Variants in ELAC2 observed in about 807,000 individuals in gnomAD.
ELAC2 encodes zinc phosphodiesterase ELAC protein 2.
ELAC2 carries 92 observed loss-of-function variants against 105.2 expected under a neutral mutation model. The ratio of observed to expected loss-of-function variants is 0.87; its 90% confidence interval spans 0.74 to 1.04. ELAC2 has a LOEUF of 1.04. ELAC2 is among the 50% of genes least tolerant of loss of function. ELAC2 has a pLI of 0.00. For missense variants in ELAC2, 1,099 were observed against 1,071.7 expected, an observed-to-expected ratio of 1.03 and a Z score of -0.36; for synonymous variants, 468 against 409.1, an observed-to-expected ratio of 1.14 and a Z score of -1.74.
At chr17:13,001,159 T>TGTGGAGTGGG (rs1446945530) in intron 14 of ELAC2, among the ~76,000 whole-genome samples, 3 of 152,074 alleles carry the variant, frequency 2.0e-5, no homozygotes, top group African/African-American at 7.2e-5. Flanking sequence ...ATACAAATAC[T>TGTGGAGTGGG]GTGGAGTGGG....
At chr17:13,015,729 G>A (rs1567775027) in intron 4 of ELAC2, 39 bp downstream of exon 4, 1 of 1,560,816 alleles carries the variant, frequency 6.4e-7, no homozygotes, top group African/African-American at 1.4e-5. Context: ...ATTACAAAAG[G>A]AAAGATTGCT....
intron 16 of ELAC2, among the ~76,000 whole-genome samples, chr17:12,997,584 C>T (rs55688720): frequency 0.026 from 3,892 of 152,124 alleles, 65 homozygotes; most frequent in Admixed American, 0.037. Flanking sequence ...CGGGAGAGGC[C>T]GGCTCACTCC....
At chr17:12,993,861 C>G (rs375708702) in intron 22 of ELAC2, 30 bp from the exon 23 acceptor site, 1 of 1,613,960 alleles carries the variant, frequency 6.2e-7, no homozygotes, top group South Asian at 1.1e-5. Flanking sequence ...CAGACTGAAG[C>G]TGAACTCAAC....
chr17:13,005,220 C>T (rs544094358), intron 10 of ELAC2, 119 bp from the exon 11 acceptor site: 57 of 784,294 alleles, frequency 7.3e-5, no homozygotes, highest in Admixed American at 6.1e-4. Context: ...GTAAACAAAG[C>T]ACAAAACCAA....
In ELAC2 at chr17:12,991,991, CAA is replaced by C. The variant is rs1031878596; in HGVS notation, c.*825_*826del. Among the ~76,000 whole-genome samples, 4 of 152,176 alleles carry C rather than the reference CAA, an allele frequency of 2.6e-5. No individual in the cohort carries two copies. Among genetic ancestry groups the C allele is most frequent in the African/African-American group, 9.7e-5 (4 of 41,438 alleles). ...TGCCATTTCTCAAAACCTTCGAGGG[CAA>C]AGTGATCCTCACTCCTCTCAGTATG... On this transcript the variant is annotated 3_prime_UTR_variant, in exon 24 of 24. Transcript: ENST00000338034.
At chr17:13,005,301 G>C (rs935527637) in intron 10 of ELAC2, among the ~76,000 whole-genome samples, 200 bp from the exon 11 acceptor site, 1 of 152,144 alleles carries the variant, frequency 6.6e-6, no homozygotes, top group African/African-American at 2.4e-5. Flanking sequence ...TCAGGTTGAG[G>C]CACTTCAGGC....
At position 13,015,813 on chromosome 17, in the gene ELAC2, C is replaced by G; in HGVS notation, c.387G>C (p.Lys129Asn). 1 of 1,614,050 alleles carries G rather than the reference C, an allele frequency of 6.2e-7. No individual in the cohort carries two copies. The highest frequency in any genetic ancestry group is 1.1e-5 in the South Asian group (1 of 91,076). Residue 129 changes from lysine (K) to asparagine (N), a missense_variant, in exon 4 of 24, where the codon AAG becomes AAC. By Grantham distance (94) the Lys-to-Asn change is moderately conservative. Transcript: ENST00000338034. The stretch of plus-strand genomic sequence containing the variant: ...GTACACACTTTGGAAGCCCGGTTTC[C>G]TTTAAAGTAAGAATCATTCCTAAAA... ...GGLSGMILTL[K>N]ETGLPKCVLS...
rs2040391679 is a variant in ELAC2, at chr17:12,994,880, T to G, written c.1913A>C (p.Gln638Pro). Reference sequence around the variant, plus strand: ...CTTGCAGTGCCGCACCAGACAGGTCTGAAACTGAAAGGGTGGGGCTGGAGG... The same window carrying G: ...CTTGCAGTGCCGCACCAGACAGGTCGGAAACTGAAAGGGTGGGGCTGGAGG... ...LLRTCDLEEF[Q>P]TCLVRHCKHA... Residue 638 changes from glutamine (Q) to proline (P), a missense_variant, in exon 21 of 24, where the codon CAG becomes CCG. Transcript: ENST00000338034. The G allele has an allele frequency of 6.2e-7, 1 of 1,614,018 alleles. No homozygotes were observed. The highest frequency in any genetic ancestry group is 1.3e-5 in the African/African-American group (1 of 74,940).
chr17:12,993,586 C>T (rs2040313700), intron 23 of ELAC2, 101 bp downstream of exon 23: 2 of 1,570,644 alleles, frequency 1.3e-6, no homozygotes, highest in Admixed American at 3.4e-5. Flanking sequence ...CACGGTGGCC[C>T]CAAATAAGAA....
chr17:13,002,538 C>G lies in ELAC2; in HGVS notation c.1121G>C (p.Cys374Ser). 2 of 1,605,968 alleles carry G rather than the reference C, an allele frequency of 1.2e-6. No individual in the cohort carries two copies. Among genetic ancestry groups the G allele is most frequent in the Non-Finnish European group, 1.7e-6 (2 of 1,175,538 alleles). ...GCTGCGAAGGTTGTGAACTGAGGCA[C>G]AGTTCTCATTCAGGACCAAGTGCTG... Reference protein sequence around the residue: ...DTQHLVLNENCASVHNLRSHK... With the variant: ...DTQHLVLNENSASVHNLRSHK... Residue 374 changes from cysteine to serine, a missense_variant, in exon 13 of 24, where the codon TGT (cysteine) becomes TCT (serine). Physicochemically the swap from Cys to Ser is moderately radical, Grantham distance 112. Coordinates refer to ENST00000338034, the MANE Select transcript of ELAC2 (RefSeq NM_018127.7).
Position 13,015,835 on chromosome 17 carries a change from A to T in ELAC2, c.368-3T>A, listed in dbSNP as rs762668691. 1.2e-6 allele frequency: 2 copies of T among 1,613,004 alleles called. No homozygotes were observed. The highest frequency in any genetic ancestry group is 1.7e-6 in the Non-Finnish European group (2 of 1,179,012). On this transcript the variant is annotated splice_polypyrimidine_tract_variant and splice_region_variant and intron_variant, in intron 3 of 23. Coordinates refer to ENST00000338034, the MANE Select transcript of ELAC2 (RefSeq NM_018127.7). ...TTCCTTTAAAGTAAGAATCATTCCTAAAAAGGATGCATAAAATCAGATCTC... is the reference window on the plus strand; with the variant it reads ...TTCCTTTAAAGTAAGAATCATTCCTTAAAAGGATGCATAAAATCAGATCTC...
At chr17:12,993,861 C>T (rs375708702) in intron 22 of ELAC2, 30 bp from the exon 23 acceptor site, 35 of 1,613,842 alleles carry the variant, frequency 2.2e-5, no homozygotes, top group Non-Finnish European at 2.9e-5. Context: ...CAGACTGAAG[C>T]TGAACTCAAC....
intron 1 of ELAC2, chr17:13,017,478 G>A: frequency 1.1e-6 from 1 of 942,796 alleles, no homozygotes. Context: ...CCCAAGGGTT[G>A]GGAAAAGGAC....
At chr17:12,996,218 A>G in intron 17 of ELAC2, 1 of 633,276 alleles carries the variant, frequency 1.6e-6, no homozygotes, top group South Asian at 1.9e-5. Flanking sequence ...CCGGCACCCC[A>G]GGAGACCAAG....
intron 16 of ELAC2, among the ~76,000 whole-genome samples, chr17:12,997,736 GGCAGA>G (rs2040548934): frequency 6.6e-6 from 1 of 152,104 alleles, no homozygotes; most frequent in Non-Finnish European, 1.5e-5. Flanking sequence ...CATGTAAGAT[GGCAGA>G]GCAAAATTTA....
rs79302337 is a variant in ELAC2 at position 12,995,578 on chromosome 17, C to G, written c.1808+125G>C. 5,532 of 909,848 alleles carry G rather than the reference C, an allele frequency of 6.1e-3. 31 individuals are homozygous for G. The highest frequency in any genetic ancestry group is 9.6e-3 in the South Asian group (676 of 70,584). The allele number at this position is 909,848 out of a possible 1,614,324, so 56.4% of individuals were successfully genotyped here. On this transcript the variant is annotated intron_variant, in intron 19 of 23. Transcript: ENST00000338034. ...TGCACTTCTCCCCTGCTTCTGCCATCTGGGACCATGTCAAGGGCAAGGCTG... is the reference window on the plus strand; with the variant it reads ...TGCACTTCTCCCCTGCTTCTGCCATGTGGGACCATGTCAAGGGCAAGGCTG...
Position 12,993,810 on chromosome 17 carries a change from G to T in ELAC2, c.2130C>A (p.Ser710Arg). ...ACTCCGCGTTCATCCGCATCCCCAC[G>T]CTGATGGCTTGGGACGTTGTGCTGC... The part of the protein sequence containing the change: ...KTHSTTSQAI[S>R]VGMRMNAEFI... Residue 710 changes from serine to arginine, a missense_variant, in exon 23 of 24, where the codon AGC becomes AGA. Ser to Arg is a moderately radical substitution (Grantham distance 110). Coordinates refer to ENST00000338034, the MANE Select transcript of ELAC2 (RefSeq NM_018127.7). 6.2e-7 allele frequency: 1 copy of T among 1,614,156 alleles called. No individual in the cohort carries two copies. Among genetic ancestry groups the T allele is most frequent in the South Asian group, 1.1e-5 (1 of 91,084 alleles).
Position 12,993,846 on chromosome 17 carries a change from C to T in ELAC2, c.2109-15G>A. 1.2e-6 allele frequency: 2 copies of T among 1,614,160 alleles called. No homozygotes were observed. The highest frequency in any genetic ancestry group is 1.7e-5 in the Admixed American group (1 of 60,020). Reference sequence around the variant, plus strand: ...GGGACGTTGTGCTGCAGGTGAAGGACAGAGCAGACTGAAGCTGAACTCAAC... The same window carrying T: ...GGGACGTTGTGCTGCAGGTGAAGGATAGAGCAGACTGAAGCTGAACTCAAC... On this transcript the variant is annotated splice_polypyrimidine_tract_variant and intron_variant, in intron 22 of 23. Transcript: ENST00000338034.
At chr17:13,012,232 T>C (rs1024626707) in intron 6 of ELAC2, among the ~76,000 whole-genome samples, 1 of 152,226 alleles carries the variant, frequency 6.6e-6, no homozygotes, top group Non-Finnish European at 1.5e-5. Flanking sequence ...TGAGGGCCGC[T>C]GGACACTGAA....
Sources: allele counts gnomAD v4.1 joint callset (sites outside exome capture counted in the v4.1 genomes callset), GRCh38; gene constraint gnomAD v4.1.1; transcripts MANE v1.5; gene names NCBI Gene and HGNC (gene_info 2026-07-23, HGNC 2026-07-21).